The following EXOC5 variants were observed in gnomAD, a reference collection of about 807,000 sequenced individuals.
EXOC5 encodes exocyst complex component 5, also known as SEC10-like 1.
A neutral mutation model predicts 90.8 loss-of-function variants in EXOC5; 17 were observed. The ratio of observed to expected loss-of-function variants is 0.19; its 90% CI spans 0.13 to 0.28. The LOEUF is 0.28. Ranked by LOEUF, EXOC5 falls within the 10% of genes least tolerant of loss-of-function variation. EXOC5 has a pLI of 1.00. For missense variants in EXOC5, 569 were observed against 830.6 expected (o/e 0.69, Z 3.87); for synonymous variants, 260 against 270.0 (o/e 0.96, Z 0.36).
Position 57,268,824 on chromosome 14 carries a change from A to T in EXOC5, c.-176T>A. On this transcript the variant is annotated 5_prime_UTR_variant, in exon 1 of 18. Transcript: ENST00000621441. ...GGGCGGGAGAGCGGCCATGAAGCGA[A>T]GCCGCAAACGCTTGTCAGCTGCCTC... 7.3e-7 allele frequency: 1 copy of T among 1,373,078 alleles called. No individual in the cohort carries two copies. The highest frequency in any genetic ancestry group is 1.6e-5 in the South Asian group (1 of 62,240). The allele number at this position is 1,373,078 out of a possible 1,614,324, so 85.1% of individuals were successfully genotyped here.
rs1883171043 is a variant in EXOC5 at position 57,222,385 on chromosome 14, G to A, written c.1328C>T (p.Ala443Val). 6.3e-7 allele frequency: 1 copy of A among 1,597,580 alleles called. No homozygotes were observed. Among genetic ancestry groups the A allele is most frequent in the Non-Finnish European group, 8.6e-7 (1 of 1,169,402 alleles). The change falls in exon 13 of 18, where the codon GCC (alanine) becomes GTC (valine). Residue 443 changes from alanine (A) to valine (V), a missense_variant. Coordinates refer to ENST00000621441, the MANE Select transcript of EXOC5 (RefSeq NM_006544.4). ...CACAAGAATGGTAAAAATTCTGAAGGCATTCCTTGGTAAGTCAGAAGGATC... is the reference window on the plus strand; with the variant it reads ...CACAAGAATGGTAAAAATTCTGAAGACATTCCTTGGTAAGTCAGAAGGATC... Reference protein sequence around the residue: ...LSDPSDLPRNAFRIFTILVEF... With the variant: ...LSDPSDLPRNVFRIFTILVEF...
rs1882722191 is a variant in EXOC5, at chr14:57,208,409, C to A, written c.*200G>T. On this transcript the variant is annotated 3_prime_UTR_variant, in exon 18 of 18. Coordinates refer to ENST00000621441, the MANE Select transcript of EXOC5 (RefSeq NM_006544.4). ...AAAATTCAATGTGAGGGGAAAAAAG[C>A]AAAATATAGCTAGTGGTATCCAAAC... 1 of 403,628 alleles carries A rather than the reference C, an allele frequency of 2.5e-6. No individual in the cohort carries two copies. The highest frequency in any genetic ancestry group is 4.1e-5 in the Admixed American group (1 of 24,594). 25.0% of individuals were successfully genotyped at this position (403,628 alleles called of 1,614,324 possible).
intron 5 of EXOC5, among the ~76,000 whole-genome samples, chr14:57,238,391 C>T (rs1441162014): frequency 1.4e-5 from 2 of 147,956 alleles, no homozygotes; most frequent in Admixed American, 6.8e-5. Context: ...CACACACACA[C>T]ACACACACAC....
chr14:57,266,073 G>A (rs1167514698), intron 1 of EXOC5, among the ~76,000 whole-genome samples: 1 of 152,182 alleles, frequency 6.6e-6, no homozygotes. Context: ...ATAATGAAAT[G>A]TCATGGATTC....
rs1371553773 is a variant in EXOC5, at chr14:57,208,704, C to T, written c.2032G>A (p.Glu678Lys). The change falls in exon 18 of 18, where the codon GAA becomes AAA. Residue 678 changes from glutamate (E) to lysine (K), a missense_variant. Glu to Lys is a moderately conservative substitution (Grantham distance 56). Transcript: ENST00000621441. ...PDNLKQVCSG[E>K]QLANLDKNIL... ...TTCTTGTCCAGATTAGCAAGTTGTT[C>T]TCCTGAGCAGACTTGCTTTAAATTA... 1 of 1,611,570 alleles carries T rather than the reference C, an allele frequency of 6.2e-7. No homozygotes were observed. Among genetic ancestry groups the T allele is most frequent in the Non-Finnish European group, 8.5e-7 (1 of 1,178,172 alleles).
chr14:57,268,858 G>A lies in EXOC5; in HGVS notation c.-210C>T. 2 of 1,294,976 alleles carry A rather than the reference G, an allele frequency of 1.5e-6. No homozygotes were observed. The highest frequency in any genetic ancestry group is 2.0e-6 in the Non-Finnish European group (2 of 988,170). The allele number at this position is 1,294,976 out of a possible 1,614,324, so 80.2% of individuals were successfully genotyped here. On this transcript the variant is annotated 5_prime_UTR_variant, in exon 1 of 18. Transcript: ENST00000621441. ...CGCTTGTCAGCTGCCTCCCGGCGCC[G>A]CCCGCGCTGCTCCCATTGTCACCGC...
At chr14:57,227,697 A>C (rs1408302459) in intron 12 of EXOC5, among the ~76,000 whole-genome samples, 3 of 152,174 alleles carry the variant, frequency 2.0e-5, no homozygotes, top group African/African-American at 7.2e-5. Flanking sequence ...GTATTGTACT[A>C]GTGATTTACA....
chr14:57,218,117 T>G, intron 14 of EXOC5, 49 bp from the exon 15 acceptor site: 1 of 912,600 alleles, frequency 1.1e-6, no homozygotes, highest in Non-Finnish European at 1.7e-6. Flanking sequence ...AGTCTAATAT[T>G]TTCTAAAAGT....
chr14:57,223,595 C>T (rs916873754), intron 12 of EXOC5, among the ~76,000 whole-genome samples: 1 of 152,014 alleles, frequency 6.6e-6, no homozygotes, highest in African/African-American at 2.4e-5. Flanking sequence ...ATGCTCTTAC[C>T]TTCTTCACAA....
At chr14:57,217,179 C>G (rs1483595019) in intron 15 of EXOC5, among the ~76,000 whole-genome samples, 1 of 152,090 alleles carries the variant, frequency 6.6e-6, no homozygotes, top group Non-Finnish European at 1.5e-5. Flanking sequence ...TTGGTACAGC[C>G]ATTAAGGAAA....
At position 57,263,739 on chromosome 14, in the gene EXOC5, TAAAAAAAA is replaced by T. The variant is rs550651836; in HGVS notation, c.27+4875_27+4882del. On this transcript the variant is annotated intron_variant, in intron 1 of 17. Coordinates refer to ENST00000621441, the MANE Select transcript of EXOC5 (RefSeq NM_006544.4). Reference sequence around the variant, plus strand: ...GAGATCACGCCACTGCACTCCAGCCTAAAAAAAAAAAAAAAAAAAAAAAGCAAAAAAAC... The same window carrying T: ...GAGATCACGCCACTGCACTCCAGCCTAAAAAAAAAAAAAAAGCAAAAAAAC... Among the ~76,000 whole-genome samples the T allele has an allele frequency of 1.0e-3, 41 of 39,366 alleles. 1 individual carries two copies. Among genetic ancestry groups the T allele is most frequent in the African/African-American group, 3.0e-3 (39 of 13,034 alleles). 25.8% of individuals were successfully genotyped at this position (39,366 alleles called of 152,430 possible).
At chr14:57,255,886 T>C (rs1187089073) in intron 1 of EXOC5, among the ~76,000 whole-genome samples, 1 of 150,232 alleles carries the variant, frequency 6.7e-6, no homozygotes, top group Non-Finnish European at 1.5e-5. Context: ...GCAGTATATA[T>C]TCTGAATTAA....
intron 1 of EXOC5, among the ~76,000 whole-genome samples, chr14:57,261,168 A>G (rs1296302761): frequency 6.6e-6 from 1 of 152,188 alleles, no homozygotes; most frequent in East Asian, 1.9e-4. Flanking sequence ...ACTCAACTAG[A>G]ACTTTCGTTT....
chr14:57,231,470 T>G, intron 11 of EXOC5, 36 bp downstream of exon 11: 1 of 1,414,724 alleles, frequency 7.1e-7, no homozygotes, highest in South Asian at 1.2e-5. Context: ...ATTAATGTCT[T>G]CAGTTTTAAC....
rs1263296110 is a variant in EXOC5 at position 57,202,473 on chromosome 14, G to A, written c.*6136C>T. ...GAGGGTGGTGCAGCATCATGACAGC[G>A]ACTTATTCTCAAAAGGGAAAAATTT... On this transcript the variant is annotated 3_prime_UTR_variant, in exon 18 of 18. Transcript: ENST00000621441. 1.3e-5 allele frequency: 2 copies of A among 152,098 alleles called. No homozygotes were observed. The highest frequency in any genetic ancestry group is 4.8e-5 in the African/African-American group (2 of 41,412). The allele number at this position is 152,098 out of a possible 1,614,324, so 9.4% of individuals were successfully genotyped here. A position where few individuals can be genotyped will look rare whatever the true frequency, so the allele number is the denominator to read the frequency against.
chr14:57,236,163 G>C (rs1460159087), intron 6 of EXOC5, among the ~76,000 whole-genome samples: 1 of 151,964 alleles, frequency 6.6e-6, no homozygotes, highest in Non-Finnish European at 1.5e-5. Context: ...ACATGGAAAG[G>C]GTGAAGAGGA....
At position 57,232,693 on chromosome 14, in the gene EXOC5, G is replaced by T; in HGVS notation, c.912C>A (p.Leu304=). 6.6e-7 allele frequency: 1 copy of T among 1,506,810 alleles called. No homozygotes were observed. The highest frequency in any genetic ancestry group is 1.2e-5 in the South Asian group (1 of 81,480). The allele number at this position is 1,506,810 out of a possible 1,614,324, so 93.3% of individuals were successfully genotyped here. ...TTGTATACAGATCATAGAGATTTTT[G>T]AGATATTGCTCTGCATCGGACTTCC... ...ECRKSDAEQY[L]KNLYDLYTRT... is the part of the protein sequence containing the mutation. The change falls in exon 10 of 18, where the codon CTC becomes CTA. Residue 304 remains leucine (L), a synonymous_variant. Transcript: ENST00000621441.
chr14:57,242,146 AG>A (rs1883885841), intron 4 of EXOC5, among the ~76,000 whole-genome samples: 1 of 146,322 alleles, frequency 6.8e-6, no homozygotes, highest in African/African-American at 2.5e-5. Flanking sequence ...AAAAAAAAAA[AG>A]AAAAAAAAGA....
At chr14:57,257,816 CCT>C (rs1884395614) in intron 1 of EXOC5, among the ~76,000 whole-genome samples, 2 of 152,074 alleles carry the variant, frequency 1.3e-5, no homozygotes, top group African/African-American at 4.8e-5. Context: ...AATCCTAAGA[CCT>C]CCAAATGACC....
Sources: allele counts gnomAD v4.1 joint callset (sites outside exome capture counted in the v4.1 genomes callset), GRCh38; gene constraint gnomAD v4.1.1; transcripts MANE v1.5; gene names NCBI Gene and HGNC (gene_info 2026-07-23, HGNC 2026-07-21).